The following SPIRE1 variants were observed in gnomAD, a reference collection of about 807,000 sequenced individuals.
The protein encoded by SPIRE1 is spire type actin nucleation factor 1, also known as protein spire homolog 1.
Under a neutral mutation model 94.1 loss-of-function variants are expected in SPIRE1, and 40 were observed. The observed-to-expected ratio is 0.43, with a 90% CI of 0.33 to 0.55. The LOEUF is 0.55. SPIRE1 is among the 20% of genes least tolerant of loss of function. The pLI is 0.06. For synonymous variants in SPIRE1, 376 were observed against 371.7 expected, an observed-to-expected ratio of 1.01 and a Z score of -0.13; for missense variants, 838 against 975.2, an observed-to-expected ratio of 0.86 and a Z score of 1.87.
At position 12,657,561 on chromosome 18, in the gene SPIRE1, G is replaced by T. The variant is rs1018815202; in HGVS notation, c.306C>A (p.Ala102=). ...CTGGGGGCGGCTCTCCCGCGTCGTC[G>T]GCCGCGGGCGCCAGGGTGACGGCGC... is the stretch of plus-strand genomic sequence containing the variant. ...RDGAVTLAPA[A]DDAGEPPPVA... Residue 102 remains alanine, a synonymous_variant, in exon 1 of 17, where the codon GCC becomes GCA. Coordinates refer to ENST00000409402, the MANE Select transcript of SPIRE1 (RefSeq NM_001128626.2). The T allele has an allele frequency of 3.2e-6, 4 of 1,235,904 alleles. No homozygotes were observed. The highest frequency in any genetic ancestry group is 7.5e-5 in the South Asian group (2 of 26,798). The allele number at this position is 1,235,904 out of a possible 1,614,324, so 76.6% of individuals were successfully genotyped here.
chr18:12,577,550 T>A (rs944045518), intron 2 of SPIRE1, among the ~76,000 whole-genome samples: 11 of 152,336 alleles, frequency 7.2e-5, no homozygotes, highest in Middle Eastern at 3.4e-3. Flanking sequence ...CTAGTAGTGT[T>A]TGCAGATTTT....
rs578187107 is a variant in SPIRE1 at position 12,631,397 on chromosome 18, C to T, written c.372+3665G>A. Among the ~76,000 whole-genome samples the T allele has an allele frequency of 3.3e-5, 5 of 151,456 alleles. No homozygotes were observed. In the East Asian group the frequency reaches 9.7e-4, roughly 29 times the overall value. On this transcript the variant is annotated intron_variant, in intron 2 of 16. Transcript: ENST00000409402. ...TGGAATTGTTTTACATTTTACAAAA[C>T]CTTTTAATGTCAGGCTCAATGAAAG...
chr18:12,628,301 A>G (rs925257854), intron 2 of SPIRE1, among the ~76,000 whole-genome samples: 8 of 152,310 alleles, frequency 5.3e-5, no homozygotes, highest in Middle Eastern at 3.4e-3. Flanking sequence ...TGTATTAAAT[A>G]GGGAATCCTT....
chr18:12,619,210 T>C (rs903232947), intron 2 of SPIRE1, among the ~76,000 whole-genome samples: 6 of 152,118 alleles, frequency 3.9e-5, no homozygotes, highest in Non-Finnish European at 8.8e-5. Context: ...AAAACAATTT[T>C]TAAAAATAAA....
chr18:12,481,052 C>A (rs773277180), intron 9 of SPIRE1, among the ~76,000 whole-genome samples: 2 of 152,002 alleles, frequency 1.3e-5, no homozygotes, highest in Admixed American at 1.3e-4. Context: ...GAATGTGGCC[C>A]GGCATGGTGG....
intron 2 of SPIRE1, among the ~76,000 whole-genome samples, chr18:12,611,390 T>A (rs1321106597): frequency 6.6e-6 from 1 of 152,208 alleles, no homozygotes; most frequent in Non-Finnish European, 1.5e-5. Context: ...GGCTGCCTTG[T>A]CAGGAGGATA....
Position 12,559,140 on chromosome 18 carries a change from C to T in SPIRE1, c.373-12236G>A, listed in dbSNP as rs1287188358. On this transcript the variant is annotated intron_variant, in intron 2 of 16. Transcript: ENST00000409402. This position sits in a 1 kb window ranked among gnomAD's most constrained non-coding sequence, Gnocchi z 4.7. Reference sequence around the variant, plus strand: ...GGCACCTTGGAGCAGGGGGAGGCGCCCCCTGGGGAGGCTCCATCTGCTTAG... The same window carrying T: ...GGCACCTTGGAGCAGGGGGAGGCGCTCCCTGGGGAGGCTCCATCTGCTTAG... Among the ~76,000 whole-genome samples, 1 of 79,216 alleles carries T rather than the reference C, an allele frequency of 1.3e-5. No individual in the cohort carries two copies. The highest frequency in any genetic ancestry group is 3.0e-5 in the Non-Finnish European group (1 of 33,148). The allele number at this position is 79,216 out of a possible 152,430, so 52.0% of individuals were successfully genotyped here.
At chr18:12,600,046 G>A (rs2036787011) in intron 2 of SPIRE1, among the ~76,000 whole-genome samples, 1 of 149,184 alleles carries the variant, frequency 6.7e-6, no homozygotes, top group African/African-American at 2.5e-5. Flanking sequence ...ACATGGCAAA[G>A]GAACTGCAGA....
At chr18:12,639,815 G>A (rs1325494172) in intron 1 of SPIRE1, among the ~76,000 whole-genome samples, 1 of 151,472 alleles carries the variant, frequency 6.6e-6, no homozygotes, top group African/African-American at 2.4e-5. Context: ...CAGGCAATGA[G>A]CTGAGATGGT....
intron 12 of SPIRE1, among the ~76,000 whole-genome samples, chr18:12,462,603 C>A (rs1208349743): frequency 6.6e-6 from 1 of 152,140 alleles, no homozygotes; most frequent in Non-Finnish European, 1.5e-5. Context: ...CCAGTTCAAC[C>A]AAAATAACAC....
chr18:12,480,707 T>G (rs1479103115), intron 9 of SPIRE1, among the ~76,000 whole-genome samples: 1 of 152,344 alleles, frequency 6.6e-6, no homozygotes, highest in Non-Finnish European at 1.5e-5. Flanking sequence ...AGCTGATCCA[T>G]GAGTCTTTGT....
At chr18:12,560,118 C>G (rs559035003) in intron 2 of SPIRE1, among the ~76,000 whole-genome samples, 60 of 152,248 alleles carry the variant, frequency 3.9e-4, no homozygotes, top group African/African-American at 1.4e-3. Flanking sequence ...GAAAAGGGAA[C>G]CCTTGTACAC....
chr18:12,621,611 T>C (rs9989506), intron 2 of SPIRE1, among the ~76,000 whole-genome samples: 85,072 of 152,064 alleles, frequency 0.56, 24,974 homozygotes, highest in Middle Eastern at 0.75. Context: ...AAGAAGCCAG[T>C]CCTAAAATAA....
intron 2 of SPIRE1, among the ~76,000 whole-genome samples, chr18:12,591,298 A>G (rs1382715829): frequency 6.6e-6 from 1 of 152,220 alleles, no homozygotes; most frequent in Non-Finnish European, 1.5e-5. Flanking sequence ...CTGGAATGTT[A>G]TGAAAATAGC....
At chr18:12,637,230 G>A (rs1409321430) in intron 1 of SPIRE1, among the ~76,000 whole-genome samples, 4 of 151,928 alleles carry the variant, frequency 2.6e-5, no homozygotes, top group African/African-American at 9.7e-5. Context: ...GTGGTGGCAA[G>A]TGCCTGTAGT....
At chr18:12,525,296 AAATAAT>A (rs1217410668) in intron 4 of SPIRE1, among the ~76,000 whole-genome samples, 50 of 120,118 alleles carry the variant, frequency 4.2e-4, no homozygotes, top group Middle Eastern at 4.4e-3. Flanking sequence ...AAAAAAAAAA[AAATAAT>A]AATAATAATA....
At chr18:12,536,587 G>C (rs568188281) in intron 3 of SPIRE1, among the ~76,000 whole-genome samples, 1 of 152,086 alleles carries the variant, frequency 6.6e-6, no homozygotes, top group South Asian at 2.1e-4. Context: ...GGGAGTGGAG[G>C]AAAGAGGGCA....
chr18:12,495,306 G>A (rs540450354), intron 7 of SPIRE1, among the ~76,000 whole-genome samples: 1 of 152,274 alleles, frequency 6.6e-6, no homozygotes, highest in Admixed American at 6.5e-5. Flanking sequence ...ATGGTTGCTA[G>A]AAAGAACTCT....
intron 9 of SPIRE1, among the ~76,000 whole-genome samples, chr18:12,484,979 G>T (rs2032980377): frequency 6.6e-6 from 1 of 151,994 alleles, no homozygotes; most frequent in Non-Finnish European, 1.5e-5. Context: ...TGATTTTATA[G>T]CTCAAATTTA....
Sources: allele counts gnomAD v4.1 joint callset (sites outside exome capture counted in the v4.1 genomes callset), GRCh38; gene constraint gnomAD v4.1.1; non-coding constraint Gnocchi (gnomAD v3.1); transcripts MANE v1.5; gene names NCBI Gene and HGNC (gene_info 2026-07-23, HGNC 2026-07-21).